Variants in INPP4B observed in about 807,000 individuals in gnomAD.
INPP4B encodes the protein inositol polyphosphate 4-phosphatase type II.
A neutral mutation model predicts 122.5 loss-of-function variants in INPP4B; 55 were observed. The ratio of observed to expected loss-of-function variants is 0.45; its 90% CI spans 0.36 to 0.56. The LOEUF is 0.56. Ranked by LOEUF, INPP4B falls within the 20% of genes least tolerant of loss-of-function variation. The pLI, the probability that INPP4B is intolerant of heterozygous loss-of-function variation, is 0.00. For synonymous variants in INPP4B, 403 were observed against 388.7 expected (o/e 1.04, Z -0.43); for missense variants, 1,000 against 1,097.7 (o/e 0.91, Z 1.26).
chr4:142,031,117 T>A (rs905555960), intron 25 of INPP4B, among the ~76,000 whole-genome samples: 1 of 151,864 alleles, frequency 6.6e-6, no homozygotes, highest in African/African-American at 2.4e-5. Flanking sequence ...CAGCTCCAAT[T>A]ATGGCCAGTC....
intron 9 of INPP4B, among the ~76,000 whole-genome samples, chr4:142,290,195 CTTTTTTTTTTTTTTTTT>C (rs35260066): frequency 6.5e-5 from 5 of 77,482 alleles, no homozygotes; most frequent in Non-Finnish European, 1.2e-4. Flanking sequence ...TTCTTTCTTC[CTTTTTTTTTTTTTTTTT>C]TTTTTTTTTT....
intron 2 of INPP4B, among the ~76,000 whole-genome samples, chr4:142,641,765 T>C (rs910065535): frequency 6.6e-6 from 1 of 152,192 alleles, no homozygotes; most frequent in African/African-American, 2.4e-5. Flanking sequence ...TGATTTATAG[T>C]CCTTTGGGTA....
chr4:142,810,929 T>C (rs1227038591), intron 1 of INPP4B, among the ~76,000 whole-genome samples: 1 of 152,250 alleles, frequency 6.6e-6, no homozygotes, highest in East Asian at 1.9e-4. Flanking sequence ...GTATTTCTTC[T>C]TGTTTTTAAC....
intron 2 of INPP4B, among the ~76,000 whole-genome samples, chr4:142,663,014 G>T (rs1755465867): frequency 6.6e-6 from 1 of 152,082 alleles, no homozygotes; most frequent in Non-Finnish European, 1.5e-5. Flanking sequence ...AGTATTAAAA[G>T]TTACTGGAAC....
intron 2 of INPP4B, among the ~76,000 whole-genome samples, chr4:142,590,661 A>T (rs1356449963): frequency 6.6e-6 from 1 of 151,992 alleles, no homozygotes; most frequent in Non-Finnish European, 1.5e-5. Context: ...AATAGGTATA[A>T]ACTAATATTT....
At chr4:142,236,054 T>A (rs919174395) in intron 12 of INPP4B, among the ~76,000 whole-genome samples, 1 of 152,232 alleles carries the variant, frequency 6.6e-6, no homozygotes, top group Non-Finnish European at 1.5e-5. Context: ...AATTATTAAG[T>A]CTGCTTCATC....
chr4:142,121,059 A>G (rs1414716592), intron 21 of INPP4B, among the ~76,000 whole-genome samples: 2 of 152,072 alleles, frequency 1.3e-5, no homozygotes, highest in Non-Finnish European at 2.9e-5. Context: ...CTTCCCTTAA[A>G]CATTGTGATA....
intron 24 of INPP4B, among the ~76,000 whole-genome samples, chr4:142,083,192 C>T (rs559982369): frequency 3.3e-5 from 5 of 151,866 alleles, no homozygotes; most frequent in East Asian, 1.9e-4. Context: ...TTTCATTTTA[C>T]GGATGAGGAT....
intron 2 of INPP4B, among the ~76,000 whole-genome samples, chr4:142,516,458 T>C (rs1825422328): frequency 6.6e-6 from 1 of 152,180 alleles, no homozygotes; most frequent in Admixed American, 6.5e-5. Context: ...CTTAGCCCCA[T>C]AATCATCTTC....
At chr4:142,178,785 A>T (rs1438652904) in intron 15 of INPP4B, among the ~76,000 whole-genome samples, 1 of 151,804 alleles carries the variant, frequency 6.6e-6, no homozygotes, top group East Asian at 1.9e-4. Context: ...GAGAAAAAAA[A>T]ATCTAGAACT....
chr4:142,466,239 A>G (rs191168853), intron 2 of INPP4B, among the ~76,000 whole-genome samples: 1 of 152,342 alleles, frequency 6.6e-6, no homozygotes, highest in African/African-American at 2.4e-5. Context: ...ATGCTGACAC[A>G]GATACAGACA....
intron 2 of INPP4B, among the ~76,000 whole-genome samples, chr4:142,571,021 G>A (rs2150158723): frequency 6.9e-6 from 1 of 144,268 alleles, no homozygotes; most frequent in South Asian, 2.2e-4. Flanking sequence ...CCTACCTCAT[G>A]AAATTACCCT....
intron 9 of INPP4B, among the ~76,000 whole-genome samples, chr4:142,295,471 A>C (rs796349669): frequency 7.2e-5 from 11 of 152,306 alleles, no homozygotes; most frequent in African/African-American, 2.6e-4. Context: ...ATGGCAGAAA[A>C]TACACATAGA....
chr4:142,163,170 C>A (rs1820966421), intron 16 of INPP4B, among the ~76,000 whole-genome samples: 1 of 151,488 alleles, frequency 6.6e-6, no homozygotes, highest in Non-Finnish European at 1.5e-5. Flanking sequence ...CTGTGGTCAA[C>A]CTTGGTCTGA....
At chr4:142,271,423 C>A (rs1218496999) in intron 9 of INPP4B, among the ~76,000 whole-genome samples, 1 of 152,110 alleles carries the variant, frequency 6.6e-6, no homozygotes, top group African/African-American at 2.4e-5. Context: ...AAACTGCAGC[C>A]CATCTATACT....
rs58269423 is a variant in INPP4B, at chr4:142,751,598, A to T, written c.-253-25697T>A. On this transcript the variant is annotated intron_variant, in intron 1 of 25. Coordinates refer to ENST00000262992, the MANE Select transcript of INPP4B (RefSeq NM_001101669.3). Reference sequence around the variant, plus strand: ...TGTTTCCTAATGGCCTCCTCAAGACACATGATTCTGTGATTCTATTAATAT... The same window carrying T: ...TGTTTCCTAATGGCCTCCTCAAGACTCATGATTCTGTGATTCTATTAATAT... Among the ~76,000 whole-genome samples the T allele has an allele frequency of 4.8e-3, 731 of 152,194 alleles. 6 individuals carry two copies. Among genetic ancestry groups the T allele is most frequent in the African/African-American group, 0.017 (700 of 41,554 alleles).
chr4:142,497,197 G>A (rs1822696841), intron 2 of INPP4B, among the ~76,000 whole-genome samples: 1 of 151,986 alleles, frequency 6.6e-6, no homozygotes, highest in South Asian at 2.1e-4. Flanking sequence ...CACTTTATTA[G>A]CCACGTCACA....
chr4:142,648,633 G>T (rs1157000697), intron 2 of INPP4B, among the ~76,000 whole-genome samples: 2 of 152,188 alleles, frequency 1.3e-5, no homozygotes, highest in Non-Finnish European at 2.9e-5. Context: ...GTCCGCAATT[G>T]CTGAGGCTTG....
chr4:142,824,029 A>G (rs550103443), intron 1 of INPP4B, among the ~76,000 whole-genome samples: 2 of 152,248 alleles, frequency 1.3e-5, no homozygotes, highest in African/African-American at 2.4e-5. Flanking sequence ...ATACACAGTC[A>G]TTCTTTCTGC....
Sources: allele counts gnomAD v4.1 joint callset (sites outside exome capture counted in the v4.1 genomes callset), GRCh38; gene constraint gnomAD v4.1.1; transcripts MANE v1.5; gene names NCBI Gene and HGNC (gene_info 2026-07-23, HGNC 2026-07-21).